Variants in MMP16 observed in about 807,000 individuals in gnomAD.
MMP16 encodes matrix metalloproteinase-16.
Under a neutral mutation model 67.8 loss-of-function variants are expected in MMP16, and 12 were observed. The observed-to-expected ratio is 0.18, with a 90% CI of 0.11 to 0.29. The LOEUF is 0.29. Ranked by LOEUF, MMP16 falls within the 10% of genes least tolerant of loss-of-function variation. The pLI is 1.00. For synonymous variants in MMP16, 249 were observed against 255.9 expected (o/e 0.97, Z 0.26); for missense variants, 475 against 765.7 (o/e 0.62, Z 4.48).
At chr8:88,180,603 G>C (rs759578943) in intron 3 of MMP16, among the ~76,000 whole-genome samples, 1 of 151,988 alleles carries the variant, frequency 6.6e-6, no homozygotes, top group Admixed American at 6.6e-5. Flanking sequence ...TAATGTGCAA[G>C]TGCCTAACAA....
intron 2 of MMP16, among the ~76,000 whole-genome samples, chr8:88,190,660 A>C (rs937581479): frequency 6.6e-6 from 1 of 152,202 alleles, no homozygotes; most frequent in African/African-American, 2.4e-5. Context: ...ATACCTGTTC[A>C]CACAAAAAAC....
chr8:88,134,429 G>A (rs1277316796), intron 4 of MMP16, among the ~76,000 whole-genome samples: 1 of 151,502 alleles, frequency 6.6e-6, no homozygotes, highest in Non-Finnish European at 1.5e-5. Flanking sequence ...ACCTAGAACA[G>A]ATCTTCCCAA....
intron 4 of MMP16, among the ~76,000 whole-genome samples, chr8:88,125,624 A>C (rs1468776830): frequency 6.6e-6 from 1 of 151,954 alleles, no homozygotes; most frequent in Admixed American, 6.6e-5. Flanking sequence ...TTTGGGCTAG[A>C]GTTTGAATAT....
intron 1 of MMP16, among the ~76,000 whole-genome samples, chr8:88,261,321 A>G (rs750311724): frequency 3.8e-4 from 58 of 152,126 alleles, no homozygotes; most frequent in Admixed American, 2.0e-4. Context: ...CCTATCTTGG[A>G]TTCAAAAATA....
chr8:88,324,860 A>G (rs1265883724), intron 1 of MMP16, among the ~76,000 whole-genome samples: 1 of 152,130 alleles, frequency 6.6e-6, no homozygotes, highest in East Asian at 1.9e-4. Flanking sequence ...TACTCCTACA[A>G]TCTAAAAAAA....
chr8:88,304,502 C>A (rs1482095666), intron 1 of MMP16, among the ~76,000 whole-genome samples: 1 of 152,134 alleles, frequency 6.6e-6, no homozygotes, highest in Non-Finnish European at 1.5e-5. Flanking sequence ...TCATCAGATT[C>A]TCCATGGTTG....
chr8:88,178,570 T>A (rs1808929669), intron 3 of MMP16, among the ~76,000 whole-genome samples: 1 of 152,190 alleles, frequency 6.6e-6, no homozygotes, highest in Admixed American at 6.5e-5. Context: ...CTGAAAATTG[T>A]GTCTGTTTAT....
At chr8:88,239,759 A>G (rs1810005663) in intron 1 of MMP16, among the ~76,000 whole-genome samples, 1 of 152,240 alleles carries the variant, frequency 6.6e-6, no homozygotes, top group Non-Finnish European at 1.5e-5. Flanking sequence ...AATAACTTGT[A>G]GCATTCTGCC....
In MMP16 at chr8:88,060,520, G is replaced by A. The variant is rs112658783; in HGVS notation, c.1223-4242C>T. On this transcript the variant is annotated intron_variant, in intron 7 of 9. Transcript: ENST00000286614. ...CATTTCAAGGTTCCTTTCAGTACGG[G>A]TGTCTTATCTCATCTACATTCCACT... Among the ~76,000 whole-genome samples, 18 of 152,174 alleles carry A rather than the reference G, an allele frequency of 1.2e-4. 1 individual carries two copies. The highest frequency in any genetic ancestry group is 4.3e-4 in the African/African-American group (18 of 41,550).
intron 1 of MMP16, among the ~76,000 whole-genome samples, chr8:88,221,421 T>C (rs1809680916): frequency 6.6e-6 from 1 of 151,834 alleles, no homozygotes; most frequent in South Asian, 2.1e-4. Flanking sequence ...GCACCAAGGA[T>C]CACCAGATAA....
Position 88,153,797 on chromosome 8 carries a change from T to C in MMP16, c.709+13872A>G, listed in dbSNP as rs1474360064. Among the ~76,000 whole-genome samples the C allele has an allele frequency of 2.8e-4, 43 of 151,418 alleles. 1 individual carries two copies. The highest frequency in any genetic ancestry group is 3.2e-4 in the African/African-American group (13 of 41,236). ...AACCTAGGCATTACCATTCAGGACA[T>C]AGGCATGGGCAAGGACTTCATGTCC... On this transcript the variant is annotated intron_variant, in intron 4 of 9. Transcript: ENST00000286614.
intron 6 of MMP16, among the ~76,000 whole-genome samples, chr8:88,106,051 G>GTATATATAT (rs1809233964): frequency 6.9e-6 from 1 of 145,412 alleles, no homozygotes; most frequent in African/African-American, 2.5e-5. Flanking sequence ...TACACGTTAT[G>GTATATATAT]TATATATATA....
At chr8:88,155,396 T>C (rs1252088287) in intron 4 of MMP16, among the ~76,000 whole-genome samples, 1 of 152,094 alleles carries the variant, frequency 6.6e-6, no homozygotes, top group African/African-American at 2.4e-5. Context: ...TTTTCCTGCA[T>C]AGTGATATAA....
At chr8:88,060,793 T>C (rs1201979196) in intron 7 of MMP16, among the ~76,000 whole-genome samples, 1 of 152,038 alleles carries the variant, frequency 6.6e-6, no homozygotes. Flanking sequence ...ACCTCATGTA[T>C]AGTGTTTGGA....
Position 88,040,715 on chromosome 8 carries a change from C to T in MMP16, c.*746G>A, listed in dbSNP as rs1808119982. On this transcript the variant is annotated 3_prime_UTR_variant, in exon 10 of 10. Transcript: ENST00000286614. ...AGCTATGAATATAAATGCGATGAAA[C>T]ACTGAGGACATAGCTGAGAACAGCT... 6.6e-6 allele frequency: 1 copy of T among 152,554 alleles called. No individual in the cohort carries two copies. The highest frequency in any genetic ancestry group is 2.4e-5 in the African/African-American group (1 of 41,438). 9.5% of individuals were successfully genotyped at this position (152,554 alleles called of 1,614,324 possible).
At chr8:88,239,209 C>T (rs927795689) in intron 1 of MMP16, among the ~76,000 whole-genome samples, 11 of 145,108 alleles carry the variant, frequency 7.6e-5, no homozygotes, top group Non-Finnish European at 3.0e-5. Flanking sequence ...GCAGGAGGAT[C>T]GCTGGAACCC....
intron 8 of MMP16, among the ~76,000 whole-genome samples, chr8:88,049,149 G>A (rs780412166): frequency 9.2e-5 from 14 of 152,282 alleles, no homozygotes; most frequent in African/African-American, 2.6e-4. Flanking sequence ...CAGATCTGAC[G>A]AACAGATCAG....
chr8:88,324,871 A>AG (rs922062074), intron 1 of MMP16, among the ~76,000 whole-genome samples: 15 of 152,214 alleles, frequency 9.9e-5, no homozygotes, highest in South Asian at 2.1e-4. Context: ...TCTAAAAAAA[A>AG]GGGGGGGTAT....
At chr8:88,218,768 CAA>C (rs1267059695) in intron 1 of MMP16, among the ~76,000 whole-genome samples, 1 of 151,970 alleles carries the variant, frequency 6.6e-6, no homozygotes, top group Non-Finnish European at 1.5e-5. Flanking sequence ...TACACATGCT[CAA>C]GAGAAGCGCT....
Sources: allele counts gnomAD v4.1 joint callset (sites outside exome capture counted in the v4.1 genomes callset), GRCh38; gene constraint gnomAD v4.1.1; transcripts MANE v1.5; gene names NCBI Gene and HGNC (gene_info 2026-07-23, HGNC 2026-07-21).